The following ERCC3 variants were observed in gnomAD, a reference collection of about 807,000 sequenced individuals.
The protein encoded by ERCC3 is general transcription and DNA repair factor IIH helicase/translocase subunit XPB.
In ERCC3, 66 loss-of-function variants were observed where a neutral mutation model predicts 94.2. The ratio of observed to expected loss-of-function variants is 0.70; its 90% CI spans 0.57 to 0.86. ERCC3 has a LOEUF of 0.86. ERCC3 is among the 40% of genes least tolerant of loss of function. The pLI, the probability that ERCC3 is intolerant of heterozygous loss-of-function variation, is 0.00. For missense variants in ERCC3, 829 were observed against 987.1 expected (o/e 0.84, Z 2.15); for synonymous variants, 349 against 369.1 (o/e 0.95, Z 0.63).
At chr2:127,289,561 A>G (rs753748701) in intron 5 of ERCC3, 60 bp from the exon 6 acceptor site, 1 of 1,605,204 alleles carries the variant, frequency 6.2e-7, no homozygotes. Context: ...TTATCAAGCA[A>G]TGGGTGAAGT....
intron 11 of ERCC3, among the ~76,000 whole-genome samples, chr2:127,272,108 CT>C (rs1684577443): frequency 6.8e-6 from 1 of 146,370 alleles, no homozygotes. Context: ...CAACCTCCAC[CT>C]CCCGGGTTCA....
At chr2:127,270,351 G>A (rs1234867736) in intron 12 of ERCC3, among the ~76,000 whole-genome samples, 1 of 152,160 alleles carries the variant, frequency 6.6e-6, no homozygotes, top group Non-Finnish European at 1.5e-5. Flanking sequence ...TGACTTATAA[G>A]CTGAATCCTC....
At chr2:127,288,554 T>C (rs911120718) in intron 7 of ERCC3, 106 bp downstream of exon 7, 3 of 1,028,992 alleles carry the variant, frequency 2.9e-6, no homozygotes, top group Non-Finnish European at 3.1e-6. Context: ...GATCTTGGCT[T>C]TTCAGCAAGG....
rs972671599 is a variant in ERCC3, at chr2:127,294,089, A to G, written c.-8T>C. 3.7e-6 allele frequency: 6 copies of G among 1,607,448 alleles called. No individual in the cohort carries two copies. The highest frequency in any genetic ancestry group is 3.4e-6 in the Non-Finnish European group (4 of 1,179,490). On this transcript the variant is annotated 5_prime_UTR_variant, in exon 1 of 15. It removes the in-frame stop codon of an upstream open reading frame in the 5' UTR. Coordinates refer to ENST00000285398, the MANE Select transcript of ERCC3 (RefSeq NM_000122.2). ...TCGGTCTCTTTTGCCCATGGCAGCT[A>G]CAGCAGCAGAGAGAAGATGACCCCG... is the stretch of plus-strand genomic sequence containing the variant.
intron 2 of ERCC3, among the ~76,000 whole-genome samples, chr2:127,293,274 G>A (rs1218065283): frequency 6.6e-6 from 1 of 152,242 alleles, no homozygotes; most frequent in Admixed American, 6.5e-5. Flanking sequence ...GGTAGGGCTG[G>A]GGAAGGAGTG....
chr2:127,280,440 C>T lies in ERCC3; in HGVS notation c.1527+7G>A. On this transcript the variant is annotated splice_region_variant and intron_variant, in intron 9 of 14. Transcript: ENST00000285398. This position sits in a 1 kb window ranked among gnomAD's most constrained non-coding sequence, Gnocchi z 6.3. ...TTCCCAGACGCCCCCAGCCCAGGCC[C>T]AGCTACCTCAGCACACTGGACTTTG... The T allele has an allele frequency of 6.2e-7, 1 of 1,609,184 alleles. No homozygotes were observed. The highest frequency in any genetic ancestry group is 8.5e-7 in the Non-Finnish European group (1 of 1,177,966).
At position 127,270,533 on chromosome 2, in the gene ERCC3, G is replaced by A. The variant is rs144015735; in HGVS notation, c.1945+803C>T. Among the ~76,000 whole-genome samples, 4 of 152,270 alleles carry A rather than the reference G, an allele frequency of 2.6e-5. No homozygotes were observed. The East Asian group carries it at 5.8e-4, about 22-fold the overall frequency. On this transcript the variant is annotated intron_variant, in intron 12 of 14. Coordinates refer to ENST00000285398, the MANE Select transcript of ERCC3 (RefSeq NM_000122.2). The stretch of plus-strand genomic sequence containing the variant: ...CCATTTTAAATACAAGCTACTAGAC[G>A]CTTCTTAAACACATCTGAACGCAGT...
In ERCC3 at chr2:127,289,876, A is replaced by G. The variant is rs1482144823; in HGVS notation, c.522-52T>C. 6 of 1,588,694 alleles carry G rather than the reference A, an allele frequency of 3.8e-6. No individual in the cohort carries two copies. The Admixed American group carries it at 1.0e-4, about 27-fold the overall frequency. On this transcript the variant is annotated intron_variant, in intron 4 of 14. Coordinates refer to ENST00000285398, the MANE Select transcript of ERCC3 (RefSeq NM_000122.2). ...CTACTGACCAGCAGGTACCTCCTGG[A>G]GATTCCACTGCTCATTCAATTAGAT...
rs555204085 is a variant in ERCC3, at chr2:127,280,884, C to T, written c.1343-253G>A. ...TGCAACTTAACACTGGCTTATGACA[C>T]CACCTGAACTAACCCTTGGGTTTCA... On this transcript the variant is annotated intron_variant, in intron 8 of 14. Transcript: ENST00000285398. This position sits in a 1 kb window ranked among gnomAD's most constrained non-coding sequence, Gnocchi z 6.3. 1.8e-6 allele frequency: 1 copy of T among 543,888 alleles called. No homozygotes were observed. The highest frequency in any genetic ancestry group is 3.2e-6 in the Non-Finnish European group (1 of 310,148). 33.7% of individuals were successfully genotyped at this position (543,888 alleles called of 1,614,324 possible). A position where few individuals can be genotyped will look rare whatever the true frequency, so the allele number is the denominator to read the frequency against.
intron 5 of ERCC3, 78 bp from the exon 6 acceptor site, chr2:127,289,579 G>A: frequency 6.2e-7 from 1 of 1,601,606 alleles, no homozygotes; most frequent in Non-Finnish European, 8.5e-7. Flanking sequence ...AGTTGTAAAG[G>A]GTAGAACCAG....
chr2:127,269,672 G>T lies in ERCC3; in HGVS notation c.1945+1664C>A, dbSNP rs62157508. 4.8e-3 allele frequency among the ~76,000 whole-genome samples: 724 copies of T among 150,502 alleles called. 3 individuals carry two copies. Among genetic ancestry groups the T allele is most frequent in the Middle Eastern group, 0.01 (3 of 294 alleles). On this transcript the variant is annotated intron_variant, in intron 12 of 14. Transcript: ENST00000285398. ...TCCTGACCTCATGATCTGCCTGCCT[G>T]GGCCTCCCAAAGTGCTGGGATTACA...
Position 127,259,254 on chromosome 2 carries a change from T to A in ERCC3, c.2217+42A>T, listed in dbSNP as rs1200743842. On this transcript the variant is annotated intron_variant, in intron 14 of 14. Transcript: ENST00000285398. The surrounding 1 kb of genome is among the most constrained non-coding windows in gnomAD (Gnocchi z 4.9). ...GTCTGTGTCTACAAACGCTGCCCTGTGAGAGCACTGACACCTGGAACCTCC... is the reference window on the plus strand; with the variant it reads ...GTCTGTGTCTACAAACGCTGCCCTGAGAGAGCACTGACACCTGGAACCTCC... 6 of 1,611,646 alleles carry A rather than the reference T, an allele frequency of 3.7e-6. No individual in the cohort carries two copies. In the African/African-American group the frequency reaches 6.7e-5, roughly 18 times the overall value.
Position 127,271,496 on chromosome 2 carries a change from A to G in ERCC3, c.1828-43T>C. 1 of 1,348,984 alleles carries G rather than the reference A, an allele frequency of 7.4e-7. No individual in the cohort carries two copies. The highest frequency in any genetic ancestry group is 1.1e-6 in the Non-Finnish European group (1 of 939,772). The allele number at this position is 1,348,984 out of a possible 1,614,324, so 83.6% of individuals were successfully genotyped here. ...AAGGTTTTTATATATGAGGAAAAAAAAAAAGTCAACTGATCCAGAATTTAA... is the reference window on the plus strand; with the variant it reads ...AAGGTTTTTATATATGAGGAAAAAAGAAAAGTCAACTGATCCAGAATTTAA... On this transcript the variant is annotated intron_variant, in intron 11 of 14. Coordinates refer to ENST00000285398, the MANE Select transcript of ERCC3 (RefSeq NM_000122.2). This position sits in a 1 kb window ranked among gnomAD's most constrained non-coding sequence, Gnocchi z 5.0.
In ERCC3 at chr2:127,289,675, A is replaced by G; in HGVS notation, c.657+14T>C. 6.2e-7 allele frequency: 1 copy of G among 1,614,074 alleles called. No individual in the cohort carries two copies. Among genetic ancestry groups the G allele is most frequent in the Non-Finnish European group, 8.5e-7 (1 of 1,179,966 alleles). On this transcript the variant is annotated intron_variant, in intron 5 of 14. Transcript: ENST00000285398. ...GCCTGCCCCCACCCAAGGGTGGCCCAGGAGTCCACATACGGCAGATTTGCT... is the reference window on the plus strand; with the variant it reads ...GCCTGCCCCCACCCAAGGGTGGCCCGGGAGTCCACATACGGCAGATTTGCT...
chr2:127,281,910 T>C (rs1221763980), intron 8 of ERCC3, among the ~76,000 whole-genome samples: 1 of 152,086 alleles, frequency 6.6e-6, no homozygotes, highest in African/African-American at 2.4e-5. Context: ...GTCAAGGCAA[T>C]GGCTACACCA....
In ERCC3 at chr2:127,286,841, C is replaced by A. The variant is rs1805162; in HGVS notation, c.1204G>T (p.Gly402Cys). The change falls in exon 8 of 15, where the codon GGC becomes TGC. Residue 402 changes from glycine to cysteine, a missense_variant. By Grantham distance (159) the Gly-to-Cys change is radical. Transcript: ENST00000285398. ...FTSDAKDKPI[G>C]CSVAISTYSM... ...TAGGTGCTAATGGCAACGGAGCAGC[C>A]GATGGGCTTGTCCTTGGCATCGGAG... 17 of 1,614,034 alleles carry A rather than the reference C, an allele frequency of 1.1e-5. No individual in the cohort carries two copies. Among genetic ancestry groups the A allele is most frequent in the African/African-American group, 1.3e-5 (1 of 74,908 alleles).
At chr2:127,287,491 G>A (rs552140956) in intron 7 of ERCC3, among the ~76,000 whole-genome samples, 4 of 152,150 alleles carry the variant, frequency 2.6e-5, no homozygotes, top group East Asian at 1.9e-4. Flanking sequence ...AAAATTAGCC[G>A]GGCATGGTGG....
rs755824049 is a variant in ERCC3 at position 127,259,583 on chromosome 2, C to T, written c.2065-135G>A. ...CACCCTGGTGGCCAACAATGGAGAG[C>T]TCCTCCCTAGCATTCCAGAGACCAG... is the stretch of plus-strand genomic sequence containing the variant. On this transcript the variant is annotated intron_variant, in intron 13 of 14. Transcript: ENST00000285398. The surrounding 1 kb of genome is among the most constrained non-coding windows in gnomAD (Gnocchi z 4.9). 1.8e-6 allele frequency: 2 copies of T among 1,122,524 alleles called. No individual in the cohort carries two copies. The highest frequency in any genetic ancestry group is 1.5e-5 in the African/African-American group (1 of 65,824). The allele number at this position is 1,122,524 out of a possible 1,614,324, so 69.5% of individuals were successfully genotyped here.
intron 5 of ERCC3, 31 bp from the exon 6 acceptor site, chr2:127,289,532 A>C (rs1227356852): frequency 6.2e-7 from 1 of 1,611,842 alleles, no homozygotes; most frequent in East Asian, 2.2e-5. Context: ...GAACGTGCAC[A>C]CAACATTTAA....
Sources: gnomAD v4.1 joint callset for allele counts (sites outside exome capture counted in the v4.1 genomes callset) on GRCh38, gnomAD v4.1.1 for gene constraint, Gnocchi (gnomAD v3.1) non-coding constraint, MANE v1.5 for transcripts, NCBI Gene and HGNC (gene_info 2026-07-23, HGNC 2026-07-21) for gene names.